Variants in NRP1 observed in about 807,000 individuals in gnomAD.
NRP1 encodes neuropilin-1.
In NRP1, 35 loss-of-function variants were observed where a neutral mutation model predicts 106.7. That is an observed-to-expected ratio of 0.33 (90% CI 0.25 to 0.43). NRP1 has a LOEUF of 0.43. Ranked by LOEUF, NRP1 falls within the 20% of genes least tolerant of loss-of-function variation. The pLI is 1.00. For missense variants in NRP1, 1,024 were observed against 1,170.4 expected (o/e 0.87, Z 1.83); for synonymous variants, 437 against 417.9 (o/e 1.05, Z -0.56).
At chr10:33,234,111 G>A (rs1035097629) in intron 6 of NRP1, among the ~76,000 whole-genome samples, 2 of 152,136 alleles carry the variant, frequency 1.3e-5, no homozygotes, top group African/African-American at 4.8e-5. Context: ...TGATGGCTAA[G>A]GCTAAAATTA....
intron 2 of NRP1, among the ~76,000 whole-genome samples, chr10:33,312,734 G>A (rs1027637982): frequency 6.6e-6 from 1 of 152,054 alleles, no homozygotes; most frequent in Non-Finnish European, 1.5e-5. Flanking sequence ...CTTTGCTTAC[G>A]CTGCCTTTGA....
chr10:33,282,548 G>T (rs1844217518), intron 2 of NRP1, among the ~76,000 whole-genome samples: 1 of 151,956 alleles, frequency 6.6e-6, no homozygotes, highest in Non-Finnish European at 1.5e-5. Context: ...TCACCCCCCA[G>T]TAACTACCAT....
chr10:33,266,889 G>A (rs1163534843), intron 3 of NRP1, among the ~76,000 whole-genome samples: 10 of 152,100 alleles, frequency 6.6e-5, no homozygotes, highest in East Asian at 1.9e-4. Context: ...AAAATTAGCC[G>A]GGCATAGTGG....
At chr10:33,289,849 AAAATAAAAAT>A (rs1844859937) in intron 2 of NRP1, among the ~76,000 whole-genome samples, 1 of 152,218 alleles carries the variant, frequency 6.6e-6, no homozygotes, top group Non-Finnish European at 1.5e-5. Context: ...TTAGTGCCTG[AAAATAAAAAT>A]CCGCTACCTT....
rs76473080 is a variant in NRP1, at chr10:33,246,321, C to G, written c.981+7707G>C. Among the ~76,000 whole-genome samples the G allele has an allele frequency of 9.9e-5, 15 of 151,994 alleles. No individual in the cohort carries two copies. The East Asian group carries it at 2.9e-3, about 29-fold the overall frequency. ...CCCTGTGATGTGAAAAGCCATGGTCCCAGGACAACATTAGGAAAAGTTCCT... is the reference window on the plus strand; with the variant it reads ...CCCTGTGATGTGAAAAGCCATGGTCGCAGGACAACATTAGGAAAAGTTCCT... On this transcript the variant is annotated intron_variant, in intron 6 of 16. Coordinates refer to ENST00000374867, the MANE Select transcript of NRP1 (RefSeq NM_003873.7).
chr10:33,213,188 T>C (rs777847817), intron 9 of NRP1, 198 bp downstream of exon 9: 2 of 1,428,324 alleles, frequency 1.4e-6, no homozygotes, highest in Non-Finnish European at 1.9e-6. Flanking sequence ...GCAATTCTTT[T>C]GCATGTTATC....
At chr10:33,327,021 C>T (rs1353418509) in intron 2 of NRP1, among the ~76,000 whole-genome samples, 4 of 152,066 alleles carry the variant, frequency 2.6e-5, no homozygotes, top group Admixed American at 6.6e-5. Context: ...CATCCCTATA[C>T]TCTACAAAAG....
intron 2 of NRP1, among the ~76,000 whole-genome samples, chr10:33,279,471 C>A (rs1414505929): frequency 6.6e-6 from 1 of 152,228 alleles, no homozygotes; most frequent in Non-Finnish European, 1.5e-5. Context: ...AATTGATAAT[C>A]TCCCTAGCAT....
chr10:33,236,939 T>C (rs1381284333), intron 6 of NRP1, among the ~76,000 whole-genome samples: 3 of 152,212 alleles, frequency 2.0e-5, no homozygotes, highest in Non-Finnish European at 4.4e-5. Flanking sequence ...TTATAGATAA[T>C]GAAGCTGAGA....
At chr10:33,202,868 T>A in intron 11 of NRP1, 23 bp downstream of exon 11, 1 of 1,614,170 alleles carries the variant, frequency 6.2e-7, no homozygotes, top group East Asian at 2.2e-5. Context: ...GGTACAGCAA[T>A]GGGATGAAGA....
chr10:33,211,876 G>A (rs1366955881), intron 9 of NRP1: 2 of 152,202 alleles, frequency 1.3e-5, no homozygotes, highest in African/African-American at 4.8e-5. Context: ...AGACCAAAAG[G>A]CCAATTGTAT....
intron 2 of NRP1, among the ~76,000 whole-genome samples, chr10:33,277,326 GACCTCATGACT>G (rs2133348044): frequency 6.6e-6 from 1 of 152,270 alleles, no homozygotes; most frequent in Non-Finnish European, 1.5e-5. Context: ...CCTGCTCGGG[GACCTCATGACT>G]ACTGGAAACA....
At position 33,200,730 on chromosome 10, in the gene NRP1, T is replaced by C. The variant is rs138307861; in HGVS notation, c.1864+2161A>G. On this transcript the variant is annotated intron_variant, in intron 11 of 16. Transcript: ENST00000374867. ...GCATAGGAGATGTGTAGTTTCCATATAAAAAGGTGTCTGGGTTAGGTGAGG... is the reference window on the plus strand; with the variant it reads ...GCATAGGAGATGTGTAGTTTCCATACAAAAAGGTGTCTGGGTTAGGTGAGG... 2.0e-3 allele frequency among the ~76,000 whole-genome samples: 308 copies of C among 152,328 alleles called. 1 individual carries two copies. Among genetic ancestry groups the C allele is most frequent in the African/African-American group, 6.4e-3 (267 of 41,574 alleles).
In NRP1 at chr10:33,294,635, AT is replaced by A. The variant is rs948543285; in HGVS notation, c.249-23780del. Among the ~76,000 whole-genome samples the A allele has an allele frequency of 4.0e-5, 6 of 151,690 alleles. No homozygotes were observed. The East Asian group carries it at 5.8e-4, about 15-fold the overall frequency. On this transcript the variant is annotated intron_variant, in intron 2 of 16. Transcript: ENST00000374867. The stretch of plus-strand genomic sequence containing the variant: ...TCCGTCTCAAAAAAAAAAAAAAAAA[AT>A]CTATGTCCTAATAACTGTGCTAAGA...
In NRP1 at chr10:33,238,238, A is replaced by C. The variant is rs1019297030; in HGVS notation, c.982-11949T>G. Among the ~76,000 whole-genome samples, 34 of 152,332 alleles carry C rather than the reference A, an allele frequency of 2.2e-4. No individual in the cohort carries two copies. The Middle Eastern group carries it at 0.02, about 91-fold the overall frequency. On this transcript the variant is annotated intron_variant, in intron 6 of 16. Transcript: ENST00000374867. ...ACGCTGCAGCTCCTATCCTCTGTGGATGTCTACATTTAAAATAAAACCTGT... is the reference window on the plus strand; with the variant it reads ...ACGCTGCAGCTCCTATCCTCTGTGGCTGTCTACATTTAAAATAAAACCTGT...
At chr10:33,253,187 T>C (rs1023039043) in intron 6 of NRP1, among the ~76,000 whole-genome samples, 5 of 152,012 alleles carry the variant, frequency 3.3e-5, no homozygotes, top group African/African-American at 1.2e-4. Context: ...TAACAGTGAG[T>C]GAAAAACTCA....
At chr10:33,264,883 C>T (rs996450842) in intron 3 of NRP1, among the ~76,000 whole-genome samples, 2 of 152,006 alleles carry the variant, frequency 1.3e-5, no homozygotes, top group Non-Finnish European at 2.9e-5. Flanking sequence ...CTGAGGTGGG[C>T]GGATCACCTG....
At chr10:33,265,806 G>T (rs117778401) in intron 3 of NRP1, among the ~76,000 whole-genome samples, 1 of 152,124 alleles carries the variant, frequency 6.6e-6, no homozygotes, top group Non-Finnish European at 1.5e-5. Context: ...GTGGCAATTC[G>T]CCAGGTCAGT....
At chr10:33,192,209 C>T in intron 13 of NRP1, 72 bp downstream of exon 13, 3 of 1,520,866 alleles carry the variant, frequency 2.0e-6, no homozygotes, top group East Asian at 2.3e-5. Context: ...CATTAGAAAC[C>T]CTCCCAGTAA....
Sources: gnomAD v4.1 joint callset for allele counts (sites outside exome capture counted in the v4.1 genomes callset) on GRCh38, gnomAD v4.1.1 for gene constraint, MANE v1.5 for transcripts, NCBI Gene and HGNC (gene_info 2026-07-23, HGNC 2026-07-21) for gene names.